Variants in TULP3 observed in about 807,000 individuals in gnomAD.
The protein encoded by TULP3 is tubby-related protein 3.
Under a neutral mutation model 50.7 loss-of-function variants are expected in TULP3, and 38 were observed. That is an observed-to-expected ratio of 0.75 (90% confidence interval 0.58 to 0.98). TULP3 has a LOEUF of 0.98. Ranked by LOEUF, TULP3 falls within the 50% of genes least tolerant of loss-of-function variation. The pLI, the probability that TULP3 is intolerant of heterozygous loss-of-function variation, is 0.00. For synonymous variants in TULP3, 183 were observed against 196.6 expected (o/e 0.93, Z 0.58); for missense variants, 550 against 568.0 (o/e 0.97, Z 0.32).
At chr12:2,911,374 A>G (rs2098185364) in intron 2 of TULP3, among the ~76,000 whole-genome samples, 1 of 149,916 alleles carries the variant, frequency 6.7e-6, no homozygotes, top group Non-Finnish European at 1.5e-5. Context: ...TTTTTTTGAG[A>G]CGGAGTCTCA....
In TULP3 at chr12:2,937,529, T is replaced by C. The variant is rs531024464; in HGVS notation, c.925-102T>C. ...ACTGCCCCGGCTGATACAGCTGATATTGTCAGCATCTTACATTCCCAAGAA... is the reference window on the plus strand; with the variant it reads ...ACTGCCCCGGCTGATACAGCTGATACTGTCAGCATCTTACATTCCCAAGAA... On this transcript the variant is annotated intron_variant, in intron 8 of 10. Coordinates refer to ENST00000448120, the MANE Select transcript of TULP3 (RefSeq NM_003324.5). 25 of 860,448 alleles carry C rather than the reference T, an allele frequency of 2.9e-5. No individual in the cohort carries two copies. The African/African-American group carries it at 3.4e-4, about 12-fold the overall frequency. 53.3% of individuals were successfully genotyped at this position (860,448 alleles called of 1,614,324 possible). A position where few individuals can be genotyped will look rare whatever the true frequency, so the allele number is the denominator to read the frequency against.
chr12:2,939,995 T>TC lies in TULP3; in HGVS notation c.*553dup, dbSNP rs1445043005. On this transcript the variant is annotated 3_prime_UTR_variant, in exon 11 of 11. Coordinates refer to ENST00000448120, the MANE Select transcript of TULP3 (RefSeq NM_003324.5). This position sits in a 1 kb window ranked among gnomAD's most constrained non-coding sequence, Gnocchi z 4.0. ...TAGAATCAGGGACTGACATCGCAGT[T>TC]CCTCTCCTCTCTTCATTCCCTCACA... 1 of 1,282,702 alleles carries TC rather than the reference T, an allele frequency of 7.8e-7. No individual in the cohort carries two copies. Among genetic ancestry groups the TC allele is most frequent in the South Asian group, 1.2e-5 (1 of 80,946 alleles). The allele number at this position is 1,282,702 out of a possible 1,614,324, so 79.5% of individuals were successfully genotyped here.
chr12:2,912,979 T>C (rs534673182), intron 2 of TULP3, among the ~76,000 whole-genome samples: 232 of 90,740 alleles, frequency 2.6e-3, no homozygotes, highest in Non-Finnish European at 4.6e-3. Context: ...CTTTTTTTTT[T>C]TTTTTCTTCT....
intron 2 of TULP3, 29 bp downstream of exon 2, chr12:2,909,609 G>C (rs1481007027): frequency 6.3e-7 from 1 of 1,578,246 alleles, no homozygotes; most frequent in Non-Finnish European, 8.6e-7. Context: ...TTTGAAATAG[G>C]TGGCCAACTA....
chr12:2,939,833 C>G lies in TULP3; in HGVS notation c.*389C>G. On this transcript the variant is annotated 3_prime_UTR_variant, in exon 11 of 11. Transcript: ENST00000448120. The surrounding 1 kb of genome is among the most constrained non-coding windows in gnomAD (Gnocchi z 4.0). ...CACACACACCCCGCGCACTCTCACT[C>G]CTTTTCCAGGTTTCATAGACTTGGT... 1 of 1,193,248 alleles carries G rather than the reference C, an allele frequency of 8.4e-7. No homozygotes were observed. The highest frequency in any genetic ancestry group is 5.8e-5 in the East Asian group (1 of 17,198). The allele number at this position is 1,193,248 out of a possible 1,614,324, so 73.9% of individuals were successfully genotyped here. A position where few individuals can be genotyped will look rare whatever the true frequency, so the allele number is the denominator to read the frequency against.
At chr12:2,894,055 G>A (rs576212951) in intron 1 of TULP3, among the ~76,000 whole-genome samples, 2 of 152,080 alleles carry the variant, frequency 1.3e-5, no homozygotes, top group Non-Finnish European at 2.9e-5. Context: ...TGGAGATGAC[G>A]GGGGTTGGCT....
chr12:2,930,858 T>G (rs372191203), intron 5 of TULP3, 179 bp from the exon 6 acceptor site: 12 of 688,912 alleles, frequency 1.7e-5, no homozygotes, highest in East Asian at 5.4e-5. Context: ...ATTTTGATAC[T>G]TACTCTTCAT....
At chr12:2,896,793 G>A (rs559163890) in intron 1 of TULP3, among the ~76,000 whole-genome samples, 12 of 152,188 alleles carry the variant, frequency 7.9e-5, no homozygotes, top group African/African-American at 2.6e-4. Flanking sequence ...TTCATTTAGA[G>A]CATCTATGAG....
At chr12:2,917,735 G>A (rs1368278391) in intron 2 of TULP3, among the ~76,000 whole-genome samples, 1 of 151,490 alleles carries the variant, frequency 6.6e-6, no homozygotes, top group African/African-American at 2.4e-5. Flanking sequence ...AAATTAGCCG[G>A]GCGCGGTGCC....
intron 3 of TULP3, among the ~76,000 whole-genome samples, chr12:2,921,202 G>A (rs961375746): frequency 9.2e-5 from 14 of 152,010 alleles, no homozygotes; most frequent in East Asian, 1.9e-4. Flanking sequence ...GCAATGGCGC[G>A]ATCTTGGCTC....
chr12:2,938,485 G>C (rs1454425703), intron 10 of TULP3, among the ~76,000 whole-genome samples, 200 bp downstream of exon 10: 1 of 152,092 alleles, frequency 6.6e-6, no homozygotes, highest in Non-Finnish European at 1.5e-5. Flanking sequence ...AGGAGTGTGA[G>C]AGAGATGCTA....
chr12:2,926,460 G>A (rs533334925), intron 4 of TULP3, among the ~76,000 whole-genome samples: 1 of 152,190 alleles, frequency 6.6e-6, no homozygotes, highest in African/African-American at 2.4e-5. Context: ...ACTCCCACCT[G>A]GGCAACAGAG....
In TULP3 at chr12:2,913,376, T is replaced by C. The variant is rs900903617; in HGVS notation, c.93+3796T>C. Among the ~76,000 whole-genome samples the C allele has an allele frequency of 7.9e-5, 12 of 151,600 alleles. 1 individual carries two copies. The South Asian group carries it at 2.5e-3, about 32-fold the overall frequency. ...GATCCTCCCACCCCAGCCTCCCAAG[T>C]AGCTGAGACTACAGGCATGCACGAC... On this transcript the variant is annotated intron_variant, in intron 2 of 10. Transcript: ENST00000448120.
At chr12:2,930,385 A>G (rs1191144171) in intron 5 of TULP3, 40 bp downstream of exon 5, 5 of 1,310,580 alleles carry the variant, frequency 3.8e-6, no homozygotes, top group African/African-American at 1.5e-5. Context: ...AGCTAATTTG[A>G]CTCTTTCTCA....
chr12:2,891,023 G>A, intron 1 of TULP3, 35 bp downstream of exon 1: 1 of 1,537,166 alleles, frequency 6.5e-7, no homozygotes. Flanking sequence ...CCTCCTGAGC[G>A]AGGCGGAGGG....
At chr12:2,938,599 T>A (rs1403328164) in intron 10 of TULP3, among the ~76,000 whole-genome samples, 2 of 150,648 alleles carry the variant, frequency 1.3e-5, no homozygotes, top group Non-Finnish European at 3.0e-5. Flanking sequence ...CTGGGCAACA[T>A]GGTGTGAAAC....
At chr12:2,934,602 TGTCCTGCTGGC>T (rs780109189) in intron 8 of TULP3, 41 bp downstream of exon 8, 2 of 1,390,186 alleles carry the variant, frequency 1.4e-6, no homozygotes, top group Non-Finnish European at 2.0e-6. Context: ...GCCCTCCTGG[TGTCCTGCTGGC>T]ACTTTTCACC....
rs773637550 is a variant in TULP3, at chr12:2,938,191, C to T, written c.1101C>T (p.Val367=). ...NLVELHNKAP[V]WNSDTQSYVL... Reference sequence around the variant, plus strand: ...TTGAGCTGCACAACAAGGCCCCCGTCTGGAACAGTGACACTCAGTCCTATG... The same window carrying T: ...TTGAGCTGCACAACAAGGCCCCCGTTTGGAACAGTGACACTCAGTCCTATG... The change falls in exon 10 of 11, where the codon GTC becomes GTT. Residue 367 remains valine (V), a synonymous_variant. Coordinates refer to ENST00000448120, the MANE Select transcript of TULP3 (RefSeq NM_003324.5). 1.9e-6 allele frequency: 3 copies of T among 1,614,080 alleles called. No individual in the cohort carries two copies. Among genetic ancestry groups the T allele is most frequent in the East Asian group, 2.2e-5 (1 of 44,894 alleles).
At chr12:2,926,681 A>G (rs190976093) in intron 4 of TULP3, among the ~76,000 whole-genome samples, 25 of 152,160 alleles carry the variant, frequency 1.6e-4, no homozygotes, top group African/African-American at 6.0e-4. Context: ...GCAGGCAGAT[A>G]CCTGACATCA....
Sources: gnomAD v4.1 joint callset for allele counts (sites outside exome capture counted in the v4.1 genomes callset) on GRCh38, gnomAD v4.1.1 for gene constraint, Gnocchi (gnomAD v3.1) non-coding constraint, MANE v1.5 for transcripts, NCBI Gene and HGNC (gene_info 2026-07-23, HGNC 2026-07-21) for gene names.